Variants in LTBP1 observed in about 807,000 individuals in gnomAD.
The protein encoded by LTBP1 is latent-transforming growth factor beta-binding protein 1.
A neutral mutation model predicts 207.6 loss-of-function variants in LTBP1; 129 were observed. The observed-to-expected ratio is 0.62, with a 90% CI of 0.54 to 0.72. The LOEUF is 0.72. LTBP1 is among the 30% of genes least tolerant of loss of function. The pLI is 0.00. For missense variants in LTBP1, 2,281 were observed against 2,217.2 expected (o/e 1.03, Z -0.58); for synonymous variants, 963 against 833.7 (o/e 1.16, Z -2.67).
At chr2:33,283,892 CAT>C (rs1479027428) in intron 19 of LTBP1, among the ~76,000 whole-genome samples, 2 of 152,186 alleles carry the variant, frequency 1.3e-5, no homozygotes, top group Middle Eastern at 3.2e-3. Flanking sequence ...TCACTGAGTA[CAT>C]GTTTTTACAT....
At chr2:33,028,180 G>A (rs1012174819) in intron 3 of LTBP1, among the ~76,000 whole-genome samples, 1 of 152,176 alleles carries the variant, frequency 6.6e-6, no homozygotes, top group African/African-American at 2.4e-5. Flanking sequence ...TGCTCACACC[G>A]CTGGGTCTGG....
At chr2:32,973,511 T>G (rs1406295027) in intron 2 of LTBP1, among the ~76,000 whole-genome samples, 1 of 152,150 alleles carries the variant, frequency 6.6e-6, no homozygotes, top group Non-Finnish European at 1.5e-5. Context: ...GATATAGGCA[T>G]GCAATGCCTG....
chr2:32,973,169 G>A (rs1309091732), intron 2 of LTBP1, among the ~76,000 whole-genome samples: 1 of 152,124 alleles, frequency 6.6e-6, no homozygotes, highest in Non-Finnish European at 1.5e-5. Context: ...TTGTCCAAGT[G>A]TTGAGTTCAG....
chr2:33,184,419 C>A (rs553435275), intron 5 of LTBP1, among the ~76,000 whole-genome samples: 1 of 152,296 alleles, frequency 6.6e-6, no homozygotes, highest in Non-Finnish European at 1.5e-5. Flanking sequence ...TAGGTTTACT[C>A]ATTATCTCCC....
chr2:33,315,840 G>A (rs1348888627), intron 24 of LTBP1, among the ~76,000 whole-genome samples: 1 of 152,180 alleles, frequency 6.6e-6, no homozygotes, highest in African/African-American at 2.4e-5. Context: ...GGGAGGCTGA[G>A]GCAGGAGAAC....
intron 6 of LTBP1, among the ~76,000 whole-genome samples, 186 bp downstream of exon 6, chr2:33,187,266 C>G (rs1245036446): frequency 6.6e-6 from 1 of 152,006 alleles, no homozygotes; most frequent in Non-Finnish European, 1.5e-5. Context: ...ACTTTCTAGG[C>G]CATAGAGAGT....
intron 13 of LTBP1, among the ~76,000 whole-genome samples, chr2:33,260,015 T>A (rs2092968083): frequency 6.6e-6 from 1 of 152,206 alleles, no homozygotes; most frequent in Non-Finnish European, 1.5e-5. Context: ...GTGAAGTACT[T>A]CTTAGTTCAA....
At chr2:33,047,136 T>C (rs1301847119) in intron 3 of LTBP1, among the ~76,000 whole-genome samples, 2 of 152,178 alleles carry the variant, frequency 1.3e-5, no homozygotes, top group Non-Finnish European at 2.9e-5. Context: ...GATCTTAAGT[T>C]ATTTCTTGTC....
intron 3 of LTBP1, among the ~76,000 whole-genome samples, chr2:33,041,770 T>C (rs2076197224): frequency 6.6e-6 from 1 of 152,156 alleles, no homozygotes; most frequent in Non-Finnish European, 1.5e-5. Context: ...TTACTGGAAG[T>C]CTCAGTCTCT....
At chr2:33,255,540 T>C (rs967787181) in intron 11 of LTBP1, among the ~76,000 whole-genome samples, 3 of 152,198 alleles carry the variant, frequency 2.0e-5, no homozygotes, top group Admixed American at 6.5e-5. Context: ...CACGTATGTT[T>C]ATTGCGGCAT....
Position 33,139,302 on chromosome 2 carries a change from C to T in LTBP1, c.1201+4342C>T, listed in dbSNP as rs142900835. On this transcript the variant is annotated intron_variant, in intron 5 of 33. Transcript: ENST00000404816. ...CAGCCAGGTTTTCTTATCCTAGAGT[C>T]ACAATACCTCTGGCTCTCCCATGTT... Among the ~76,000 whole-genome samples the T allele has an allele frequency of 7.9e-5, 12 of 152,278 alleles. No homozygotes were observed. The East Asian group carries it at 2.3e-3, about 29-fold the overall frequency.
At chr2:33,088,538 T>TG (rs1369149894) in intron 3 of LTBP1, among the ~76,000 whole-genome samples, 2 of 152,310 alleles carry the variant, frequency 1.3e-5, no homozygotes, top group Non-Finnish European at 2.9e-5. Flanking sequence ...GATTTGCACA[T>TG]GCTGACGCCT....
At position 33,222,067 on chromosome 2, in the gene LTBP1, T is replaced by A; in HGVS notation, c.1805-13T>A. On this transcript the variant is annotated splice_polypyrimidine_tract_variant and intron_variant, in intron 8 of 33. Coordinates refer to ENST00000404816, the MANE Select transcript of LTBP1 (RefSeq NM_206943.4). ...GAATTTAAGTATGTAACAAAGCATT[T>A]CTTCCCTTACAGCTTATCATGGATA... 1 of 1,602,788 alleles carries A rather than the reference T, an allele frequency of 6.2e-7. No individual in the cohort carries two copies. Among genetic ancestry groups the A allele is most frequent in the Non-Finnish European group, 8.5e-7 (1 of 1,169,646 alleles).
chr2:33,144,931 C>T (rs557147063), intron 5 of LTBP1, among the ~76,000 whole-genome samples: 2 of 152,264 alleles, frequency 1.3e-5, no homozygotes, highest in South Asian at 4.1e-4. Context: ...TTTTTGAGGT[C>T]AGCCACATAG....
chr2:33,168,998 TA>T (rs2085182950), intron 5 of LTBP1, among the ~76,000 whole-genome samples: 1 of 152,150 alleles, frequency 6.6e-6, no homozygotes, highest in African/African-American at 2.4e-5. Flanking sequence ...GCAGCAGAGT[TA>T]GGGGGGAGCC....
intron 2 of LTBP1, among the ~76,000 whole-genome samples, chr2:32,993,774 G>T (rs967443667): frequency 6.6e-6 from 1 of 152,190 alleles, no homozygotes; most frequent in Non-Finnish European, 1.5e-5. Context: ...TGACCCCCTT[G>T]TGTAACAGAT....
chr2:33,100,893 T>G (rs2079692741), intron 3 of LTBP1, among the ~76,000 whole-genome samples: 1 of 152,222 alleles, frequency 6.6e-6, no homozygotes, highest in South Asian at 2.1e-4. Flanking sequence ...CTTTTTAGGA[T>G]TAGATAATAT....
chr2:33,229,413 G>A (rs2091657975), intron 9 of LTBP1, among the ~76,000 whole-genome samples: 1 of 152,088 alleles, frequency 6.6e-6, no homozygotes, highest in Admixed American at 6.5e-5. Context: ...GTTCGAGGCT[G>A]CAGTGAGCTA....
At chr2:33,174,963 G>A (rs1243212122) in intron 5 of LTBP1, among the ~76,000 whole-genome samples, 1 of 151,824 alleles carries the variant, frequency 6.6e-6, no homozygotes, top group East Asian at 1.9e-4. Context: ...TATGTAGAAA[G>A]CTGAAACTGG....
Sources: gnomAD v4.1 joint callset for allele counts (sites outside exome capture counted in the v4.1 genomes callset) on GRCh38, gnomAD v4.1.1 for gene constraint, MANE v1.5 for transcripts, NCBI Gene and HGNC (gene_info 2026-07-23, HGNC 2026-07-21) for gene names.